The following SYTL5 variants were observed in gnomAD, a reference collection of about 807,000 sequenced individuals.
The protein encoded by SYTL5 is synaptotagmin-like protein 5.
A neutral mutation model predicts 55.9 loss-of-function variants in SYTL5; 34 were observed. The ratio of observed to expected loss-of-function variants is 0.61; its 90% CI spans 0.46 to 0.81. The LOEUF is 0.81. SYTL5 is among the 30% of genes least tolerant of loss of function. The probability of loss-of-function intolerance (pLI) is 0.00; values close to 1 mark genes in which losing one functional copy is unlikely to be tolerated. For synonymous variants in SYTL5, 221 were observed against 188.7 expected (o/e 1.17, Z -1.40); for missense variants, 637 against 546.7 (o/e 1.17, Z -1.65).
chrX:37,914,913 C>T, the SYTL5 span, among the ~76,000 whole-genome samples: 1 of 111,322 alleles, frequency 9.0e-6, no homozygotes, highest in African/African-American at 3.3e-5. Flanking sequence ...ATATTGTAAT[C>T]AACTAGAATG....
chrX:38,054,611 TGAGA>T lies in SYTL5; in HGVS notation c.329+220_329+223del, dbSNP rs3067495. 3.2e-3 allele frequency among the ~76,000 whole-genome samples: 301 copies of T among 95,164 alleles called. 1 individual carries two copies. Among genetic ancestry groups the T allele is most frequent in the East Asian group, 0.017 (53 of 3,049 alleles). 82.6% of individuals were successfully genotyped at this position (95,164 alleles called of 115,157 possible). On this transcript the variant is annotated intron_variant, in intron 3 of 16. Transcript: ENST00000297875. ...GTGTGTGTGTGTGTGTGTGTGTATGTGAGAGAGAGAGAGAGAGAGAGAGAGAGAG... is the reference window on the plus strand; with the variant it reads ...GTGTGTGTGTGTGTGTGTGTGTATGTGAGAGAGAGAGAGAGAGAGAGAGAG...
intron 1 of SYTL5, among the ~76,000 whole-genome samples, chrX:38,007,447 C>T (rs1934028772): frequency 9.0e-6 from 1 of 111,407 alleles, no homozygotes; most frequent in Admixed American, 9.5e-5. Flanking sequence ...TATAACTTCT[C>T]TTTGCTCCAA....
intron 6 of SYTL5, among the ~76,000 whole-genome samples, chrX:38,083,034 G>C (rs181088650): frequency 1.3e-3 from 147 of 111,641 alleles, no homozygotes; most frequent in Admixed American, 2.5e-3. Context: ...GTAAGTATTT[G>C]TTCCATTTAG....
the SYTL5 span, among the ~76,000 whole-genome samples, chrX:37,975,766 T>C: frequency 8.9e-6 from 1 of 112,566 alleles, no homozygotes; most frequent in Non-Finnish European, 1.9e-5. Flanking sequence ...TCATATGAAG[T>C]AGAATACTCT....
intron 2 of SYTL5, among the ~76,000 whole-genome samples, chrX:38,035,749 G>A (rs1473394714): frequency 9.2e-6 from 1 of 109,094 alleles, no homozygotes; most frequent in Non-Finnish European, 1.9e-5. Flanking sequence ...ACAAAAATTA[G>A]CAGGGCGTGG....
the SYTL5 span, chrX:37,906,759 A>G: frequency 8.9e-6 from 1 of 112,404 alleles, no homozygotes; most frequent in Non-Finnish European, 1.9e-5. Context: ...ATTCCAGGAA[A>G]ATTTTAGAAG....
intron 2 of SYTL5, among the ~76,000 whole-genome samples, chrX:38,038,952 C>A (rs183318756): frequency 9.0e-6 from 1 of 111,580 alleles, no homozygotes; most frequent in African/African-American, 3.3e-5. Context: ...ATATTTTAGG[C>A]CTGACACCCA....
chrX:38,000,422 C>T, the SYTL5 span, among the ~76,000 whole-genome samples: 19 of 112,337 alleles, frequency 1.7e-4, no homozygotes, highest in Middle Eastern at 4.6e-3. Context: ...CCTTGTCCCC[C>T]TCACAGGGCA....
the SYTL5 span, among the ~76,000 whole-genome samples, chrX:37,918,942 A>AGTGAGTGTGTGTGTGT: frequency 1.1e-5 from 1 of 94,307 alleles, no homozygotes; most frequent in African/African-American, 4.9e-5. Flanking sequence ...GGAAAGTGTG[A>AGTGAGTGTGTGTGTGT]GTGAGTGTGT....
intron 2 of SYTL5, among the ~76,000 whole-genome samples, chrX:38,042,110 A>G (rs73204995): frequency 0.05 from 5,566 of 110,687 alleles, 156 homozygotes; most frequent in Non-Finnish European, 0.076. Context: ...CTCTATATAG[A>G]GATCTATATT....
At chrX:38,097,628 C>A (rs1936968139) in intron 9 of SYTL5, among the ~76,000 whole-genome samples, 1 of 110,128 alleles carries the variant, frequency 9.1e-6, no homozygotes, top group African/African-American at 3.3e-5. Flanking sequence ...GATGGAAATT[C>A]TCTCCAAATA....
the SYTL5 span, among the ~76,000 whole-genome samples, chrX:37,960,728 C>G: frequency 9.1e-6 from 1 of 109,550 alleles, no homozygotes; most frequent in Non-Finnish European, 1.9e-5. Flanking sequence ...TATGGCAATG[C>G]AGGTATTTTT....
the SYTL5 span, among the ~76,000 whole-genome samples, chrX:37,944,348 C>A: frequency 9.0e-6 from 1 of 110,572 alleles, no homozygotes; most frequent in African/African-American, 3.3e-5. Context: ...TGACATTTGG[C>A]AATAATTGAT....
At chrX:38,080,803 T>A (rs1263139615) in intron 6 of SYTL5, among the ~76,000 whole-genome samples, 1 of 112,127 alleles carries the variant, frequency 8.9e-6, no homozygotes, top group Non-Finnish European at 1.9e-5. Flanking sequence ...AATGTAATTT[T>A]CATTGACATC....
At chrX:37,909,638 A>T in the SYTL5 span, among the ~76,000 whole-genome samples, 1 of 110,611 alleles carries the variant, frequency 9.0e-6, no homozygotes, top group African/African-American at 3.3e-5. Context: ...CACATTAAAA[A>T]TTACCTGGGG....
chrX:38,041,113 C>T (rs1422775126), intron 2 of SYTL5, among the ~76,000 whole-genome samples: 1 of 111,452 alleles, frequency 9.0e-6, no homozygotes, highest in Non-Finnish European at 1.9e-5. Context: ...CTTAATGTGA[C>T]TGATTTTGTC....
chrX:38,086,498 A>T (rs184012711), intron 6 of SYTL5, among the ~76,000 whole-genome samples: 1 of 112,177 alleles, frequency 8.9e-6, no homozygotes, highest in African/African-American at 3.2e-5. Context: ...ATATCCCCAC[A>T]TTTGGGCCTT....
intron 2 of SYTL5, among the ~76,000 whole-genome samples, chrX:38,046,676 A>G (rs961989791): frequency 9.0e-6 from 1 of 111,617 alleles, no homozygotes; most frequent in African/African-American, 3.3e-5. Context: ...TGCCTTCCCA[A>G]CAGTCTCCCA....
chrX:37,927,408 G>C, the SYTL5 span, among the ~76,000 whole-genome samples: 2 of 111,589 alleles, frequency 1.8e-5, no homozygotes, highest in African/African-American at 3.3e-5. Context: ...ACTAAAGCAG[G>C]TAAACAAAGG....
Sources: gnomAD v4.1 joint callset for allele counts (sites outside exome capture counted in the v4.1 genomes callset) on GRCh38, gnomAD v4.1.1 for gene constraint, MANE v1.5 for transcripts, NCBI Gene and HGNC (gene_info 2026-07-23, HGNC 2026-07-21) for gene names.